SMIM35: variants seen among roughly 807,000 people sequenced by gnomAD.
SMIM35 encodes the protein small integral membrane protein 35.
At chr11:118,014,384 AGATGGATGGATGGATGGATG>A (rs72362173) in intron 3 of SMIM35, among the ~76,000 whole-genome samples, 24 of 146,962 alleles carry the variant, frequency 1.6e-4, no homozygotes, top group Non-Finnish European at 1.2e-4. Context: ...CTTGGGGGAG[AGATGGATGGATGGATGGATG>A]GATGGATGGA....
chr11:118,008,009 A>G (rs1356742704), intron 4 of SMIM35, among the ~76,000 whole-genome samples: 1 of 151,962 alleles, frequency 6.6e-6, no homozygotes, highest in African/African-American at 2.4e-5. Context: ...AGCTAGGATT[A>G]TAGGCACGAG....
At chr11:118,025,700 T>C (rs147044505) in intron 1 of SMIM35, 2 of 453,180 alleles carry the variant, frequency 4.4e-6, no homozygotes, top group Admixed American at 2.4e-5. Flanking sequence ...TAGACCCTTG[T>C]TGGATGCATA....
intron 1 of SMIM35, among the ~76,000 whole-genome samples, chr11:118,058,214 C>T (rs117349118): frequency 0.014 from 2,136 of 152,234 alleles, 25 homozygotes; most frequent in Middle Eastern, 0.041. Flanking sequence ...AGAGCAGGGT[C>T]CCTGAAGCGG....
intron 1 of SMIM35, among the ~76,000 whole-genome samples, chr11:118,040,778 A>G (rs1391541062): frequency 1.3e-5 from 2 of 152,186 alleles, no homozygotes; most frequent in South Asian, 2.1e-4. Context: ...GGTTAGGCCT[A>G]TAACATATAC....
chr11:118,033,869 T>TA lies in SMIM35; in HGVS notation c.8-18061dup, dbSNP rs2058338026. Among the ~76,000 whole-genome samples the TA allele has an allele frequency of 2.0e-5, 3 of 152,340 alleles. No individual in the cohort carries two copies. In the South Asian group the frequency reaches 6.2e-4, roughly 32 times the overall value. Reference sequence around the variant, plus strand: ...TTGAATCTCAGTTTTACCAGTTACTTACAATGTGTCCATGAGCAAGATACT... The same window carrying TA: ...TTGAATCTCAGTTTTACCAGTTACTTAACAATGTGTCCATGAGCAAGATACT... On this transcript the variant is annotated intron_variant, in intron 1 of 4. Transcript: ENST00000689828.
intron 1 of SMIM35, among the ~76,000 whole-genome samples, chr11:118,022,254 T>C (rs1404451553): frequency 6.6e-6 from 1 of 152,194 alleles, no homozygotes; most frequent in Non-Finnish European, 1.5e-5. Context: ...TTTCACCATG[T>C]TGGCCAGGAT....
intron 1 of SMIM35, among the ~76,000 whole-genome samples, chr11:118,016,897 C>A (rs2058187570): frequency 6.6e-6 from 1 of 152,148 alleles, no homozygotes; most frequent in South Asian, 2.1e-4. Flanking sequence ...AATGGTGCAA[C>A]TGTATTTTTT....
intron 1 of SMIM35, among the ~76,000 whole-genome samples, chr11:118,078,322 C>A (rs910037056): frequency 5.9e-5 from 9 of 152,046 alleles, no homozygotes; most frequent in Admixed American, 5.2e-4. Flanking sequence ...TGCCCAGCCA[C>A]CAAAGTGAAA....
intron 1 of SMIM35, among the ~76,000 whole-genome samples, chr11:118,055,442 G>A (rs1266133368): frequency 1.3e-5 from 2 of 152,000 alleles, no homozygotes; most frequent in Non-Finnish European, 2.9e-5. Context: ...CCACCACCCC[G>A]GCCCTGCCAC....
At chr11:118,030,209 A>G (rs1315807885) in intron 1 of SMIM35, among the ~76,000 whole-genome samples, 1 of 151,866 alleles carries the variant, frequency 6.6e-6, no homozygotes, top group Non-Finnish European at 1.5e-5. Flanking sequence ...TAATTTTTGT[A>G]TTTTTAGTAG....
At chr11:118,076,132 G>A (rs995077868) in intron 1 of SMIM35, among the ~76,000 whole-genome samples, 3 of 152,202 alleles carry the variant, frequency 2.0e-5, no homozygotes, top group Non-Finnish European at 4.4e-5. Context: ...CAGGCATGGT[G>A]GCGCACAACA....
intron 1 of SMIM35, among the ~76,000 whole-genome samples, chr11:118,050,658 G>T (rs993418967): frequency 6.6e-6 from 1 of 152,208 alleles, no homozygotes; most frequent in Non-Finnish European, 1.5e-5. Context: ...CCCCACCCTT[G>T]CTTCCTCATC....
intron 1 of SMIM35, chr11:118,076,992 G>A (rs1445849546): frequency 2.7e-6 from 1 of 366,980 alleles, no homozygotes; most frequent in Non-Finnish European, 4.9e-6. Flanking sequence ...TAAGATAGGT[G>A]TCAGGTTACA....
chr11:118,009,212 G>C (rs143614378), intron 4 of SMIM35, among the ~76,000 whole-genome samples: 2 of 152,250 alleles, frequency 1.3e-5, no homozygotes, highest in South Asian at 4.1e-4. Flanking sequence ...CACCACACAA[G>C]GAGACCCCAA....
intron 1 of SMIM35, among the ~76,000 whole-genome samples, chr11:118,045,494 A>C (rs938753344): frequency 6.6e-6 from 1 of 152,144 alleles, no homozygotes; most frequent in African/African-American, 2.4e-5. Flanking sequence ...AAGTAAAAAG[A>C]GCCTTTCAAG....
chr11:118,027,034 T>TTTTTTTTTTG (rs2058280097), intron 1 of SMIM35, among the ~76,000 whole-genome samples: 1 of 144,588 alleles, frequency 6.9e-6, no homozygotes, highest in Non-Finnish European at 1.5e-5. Flanking sequence ...TTTTTTTTTT[T>TTTTTTTTTTG]TTTTGAGACG....
intron 4 of SMIM35, among the ~76,000 whole-genome samples, chr11:118,008,504 GAA>G (rs1271045926): frequency 2.0e-5 from 3 of 152,162 alleles, no homozygotes; most frequent in Non-Finnish European, 4.4e-5. Flanking sequence ...CTAGAGGAGA[GAA>G]AAGCTCCCTC....
At chr11:118,054,684 T>C (rs918730448) in intron 1 of SMIM35, among the ~76,000 whole-genome samples, 7 of 152,226 alleles carry the variant, frequency 4.6e-5, no homozygotes, top group African/African-American at 1.7e-4. Context: ...TATTGTGTAA[T>C]GTACACTATA....
At chr11:118,042,310 A>G (rs1266392699) in intron 1 of SMIM35, among the ~76,000 whole-genome samples, 2 of 152,150 alleles carry the variant, frequency 1.3e-5, no homozygotes, top group East Asian at 1.9e-4. Context: ...AGAAACAAAC[A>G]TAATAAGAAA....
Sources: gnomAD v4.1 joint callset for allele counts (sites outside exome capture counted in the v4.1 genomes callset) on GRCh38, gnomAD v4.1.1 for gene constraint, MANE v1.5 for transcripts, NCBI Gene and HGNC (gene_info 2026-07-23, HGNC 2026-07-21) for gene names.